Variants in SAMD8 observed in about 807,000 individuals in gnomAD.
SAMD8 encodes sphingomyelin synthase-related protein 1.
Under a neutral mutation model 42.0 loss-of-function variants are expected in SAMD8, and 20 were observed. That is an observed-to-expected ratio of 0.48 (90% CI 0.34 to 0.69). SAMD8 has a LOEUF of 0.69. Ranked by LOEUF, SAMD8 falls within the 30% of genes least tolerant of loss-of-function variation. The probability of loss-of-function intolerance (pLI) is 0.01; values close to 1 mark genes in which losing one functional copy is unlikely to be tolerated. For synonymous variants in SAMD8, 162 were observed against 173.0 expected, an observed-to-expected ratio of 0.94 and a Z score of 0.50; for missense variants, 328 against 511.6, an observed-to-expected ratio of 0.64 and a Z score of 3.46.
intron 1 of SAMD8, among the ~76,000 whole-genome samples, chr10:75,120,874 A>C (rs1848990616): frequency 7.6e-6 from 1 of 132,170 alleles, no homozygotes; most frequent in Admixed American, 9.7e-5. Context: ...TCCGCCTCCC[A>C]GGTTCAAGCG....
intron 1 of SAMD8, among the ~76,000 whole-genome samples, chr10:75,139,968 T>C (rs1839977303): frequency 6.6e-6 from 1 of 152,226 alleles, no homozygotes; most frequent in African/African-American, 2.4e-5. Flanking sequence ...CAGTTAATTC[T>C]TATATGTGGT....
intron 2 of SAMD8, among the ~76,000 whole-genome samples, chr10:75,154,041 C>T (rs985708680): frequency 1.3e-5 from 2 of 152,178 alleles, no homozygotes; most frequent in African/African-American, 4.8e-5. Context: ...ATAGGGATTA[C>T]AGGTGTGAGC....
chr10:75,105,672 G>T (rs1434244179), intron 1 of SAMD8: 3 of 1,548,812 alleles, frequency 1.9e-6, no homozygotes, highest in Non-Finnish European at 2.6e-6. Context: ...TGGCCCCTCA[G>T]CTCTGGCCGG....
intron 2 of SAMD8, among the ~76,000 whole-genome samples, chr10:75,154,725 A>C (rs1476452430): frequency 6.6e-6 from 1 of 152,214 alleles, no homozygotes; most frequent in Non-Finnish European, 1.5e-5. Context: ...TATTAAATTC[A>C]TCTAGACAAA....
chr10:75,116,922 AC>A (rs1175619951), intron 1 of SAMD8, among the ~76,000 whole-genome samples: 20 of 151,576 alleles, frequency 1.3e-4, no homozygotes, highest in Non-Finnish European at 2.2e-4. Context: ...CAATTCTCCC[AC>A]CTCAGCCTCC....
intron 1 of SAMD8, chr10:75,104,171 G>T (rs758137918): frequency 1.2e-5 from 13 of 1,125,804 alleles, no homozygotes; most frequent in Non-Finnish European, 1.5e-5. Context: ...GTTGGGGCAG[G>T]GATAAGAGCT....
Position 75,176,955 on chromosome 10 carries a change from C to T in SAMD8, c.*263C>T. The T allele has an allele frequency of 5.5e-6, 2 of 361,834 alleles. No individual in the cohort carries two copies. The highest frequency in any genetic ancestry group is 5.0e-6 in the Non-Finnish European group (1 of 200,904). The allele number at this position is 361,834 out of a possible 1,614,324, so 22.4% of individuals were successfully genotyped here. A position where few individuals can be genotyped will look rare whatever the true frequency, so the allele number is the denominator to read the frequency against. On this transcript the variant is annotated 3_prime_UTR_variant, in exon 6 of 6. Coordinates refer to ENST00000542569, the MANE Select transcript of SAMD8 (RefSeq NM_001174156.2). This position sits in a 1 kb window ranked among gnomAD's most constrained non-coding sequence, Gnocchi z 4.3. ...ACTTAATGTTGTGATTGAAGTCAGG[C>T]TGTACCCTTACCTGTTGAGTATTTG... is the stretch of plus-strand genomic sequence containing the variant.
chr10:75,141,611 C>T (rs1049340828), intron 1 of SAMD8, among the ~76,000 whole-genome samples: 8 of 150,950 alleles, frequency 5.3e-5, no homozygotes, highest in Middle Eastern at 3.4e-3. Flanking sequence ...GTGCGATCTC[C>T]GCTCACTGCA....
At chr10:75,101,879 C>A in intron 1 of SAMD8, 1 of 1,366,906 alleles carries the variant, frequency 7.3e-7, no homozygotes, top group Non-Finnish European at 9.8e-7. Context: ...GTGGGAGTAT[C>A]TGGCCCAGGC....
chr10:75,118,384 C>T (rs1203074971), intron 1 of SAMD8, among the ~76,000 whole-genome samples: 1 of 152,240 alleles, frequency 6.6e-6, no homozygotes, highest in African/African-American at 2.4e-5. Flanking sequence ...GTGGCTTGCG[C>T]CTGTAATCCC....
chr10:75,111,503 T>A, upstream of SAMD8: 3 of 1,226,080 alleles, frequency 2.4e-6, no homozygotes, highest in Non-Finnish European at 2.0e-6. Context: ...CAGTTCCGGT[T>A]CGGCTCCGAG....
chr10:75,127,152 G>A (rs765572662), intron 1 of SAMD8, among the ~76,000 whole-genome samples: 1 of 142,672 alleles, frequency 7.0e-6, no homozygotes, highest in Non-Finnish European at 1.5e-5. Context: ...TTGCGCCACC[G>A]CACTCCAGCC....
At chr10:75,172,272 A>C (rs573922231) in intron 4 of SAMD8, among the ~76,000 whole-genome samples, 5 of 152,130 alleles carry the variant, frequency 3.3e-5, no homozygotes, top group African/African-American at 1.2e-4. Context: ...TGCTGTGTAC[A>C]TGGTATGAAG....
At chr10:75,115,970 T>C (rs2134417389) in intron 1 of SAMD8, among the ~76,000 whole-genome samples, 1 of 151,048 alleles carries the variant, frequency 6.6e-6, no homozygotes, top group Non-Finnish European at 1.5e-5. Flanking sequence ...GACTATTAAC[T>C]AAGAAAAACT....
chr10:75,170,053 C>T (rs1840811760), intron 4 of SAMD8, among the ~76,000 whole-genome samples: 1 of 152,128 alleles, frequency 6.6e-6, no homozygotes, highest in Admixed American at 6.6e-5. Context: ...TTTTGGTGTA[C>T]TGTAGACATC....
intron 1 of SAMD8, among the ~76,000 whole-genome samples, chr10:75,120,407 T>C (rs995737203): frequency 1.5e-4 from 23 of 151,658 alleles, no homozygotes; most frequent in Non-Finnish European, 1.0e-4. Context: ...GTAGCTGGGA[T>C]TACAGGCGCC....
rs999084931 is a variant in SAMD8, at chr10:75,146,371, G to A, written c.-15-4143G>A. On this transcript the variant is annotated intron_variant, in intron 1 of 5. Coordinates refer to ENST00000542569, the MANE Select transcript of SAMD8 (RefSeq NM_001174156.2). ...ACGATCTCAACTCACCGCAACCTCC[G>A]CCTCCCGGGTTCAAGCCATTCTTCT... Among the ~76,000 whole-genome samples the A allele has an allele frequency of 3.8e-5, 5 of 130,062 alleles. No homozygotes were observed. The Admixed American group carries it at 3.9e-4, about 10-fold the overall frequency. 85.3% of individuals were successfully genotyped at this position (130,062 alleles called of 152,430 possible). A position where few individuals can be genotyped will look rare whatever the true frequency, so the allele number is the denominator to read the frequency against.
At chr10:75,142,848 A>G (rs1182814566) in intron 1 of SAMD8, among the ~76,000 whole-genome samples, 28 of 152,160 alleles carry the variant, frequency 1.8e-4, no homozygotes. Context: ...CAAAACATCA[A>G]TACAAATGAA....
intron 1 of SAMD8, among the ~76,000 whole-genome samples, chr10:75,145,008 A>G (rs1182923411): frequency 6.6e-6 from 1 of 152,216 alleles, no homozygotes; most frequent in Non-Finnish European, 1.5e-5. Flanking sequence ...GTGGCTCAGC[A>G]GCTGTTAGTC....
Sources: gnomAD v4.1 joint callset for allele counts (sites outside exome capture counted in the v4.1 genomes callset) on GRCh38, gnomAD v4.1.1 for gene constraint, Gnocchi (gnomAD v3.1) non-coding constraint, MANE v1.5 for transcripts, NCBI Gene and HGNC (gene_info 2026-07-23, HGNC 2026-07-21) for gene names.